NLRP1: variants seen among roughly 807,000 people sequenced by gnomAD.
NLRP1 encodes NLR family pyrin domain containing 1.
A neutral mutation model predicts 136.7 loss-of-function variants in NLRP1; 94 were observed. The observed-to-expected ratio is 0.69, with a 90% CI of 0.58 to 0.82. The LOEUF (loss-of-function observed/expected upper bound fraction) is 0.82. NLRP1 is among the 40% of genes least tolerant of loss of function. The pLI is 0.00. For synonymous variants in NLRP1, 690 were observed against 725.1 expected (o/e 0.95, Z 0.78); for missense variants, 1,575 against 1,802.7 (o/e 0.87, Z 2.29).
chr17:5,508,147 A>AAAT (rs1907450022), intron 15 of NLRP1, among the ~76,000 whole-genome samples: 1 of 151,150 alleles, frequency 6.6e-6, no homozygotes, highest in South Asian at 2.1e-4. Context: ...AAAAAAAAAA[A>AAAT]ATTAGCTGGG....
intron 3 of NLRP1, among the ~76,000 whole-genome samples, chr17:5,575,156 C>T (rs909384810): frequency 6.6e-6 from 1 of 152,142 alleles, no homozygotes; most frequent in Admixed American, 6.5e-5. Flanking sequence ...CCGGTATCAG[C>T]CACTGCAAAA....
chr17:5,534,097 C>T (rs1246817839), intron 8 of NLRP1, 109 bp from the exon 9 acceptor site: 7 of 806,976 alleles, frequency 8.7e-6, no homozygotes, highest in South Asian at 2.7e-5. Context: ...TGCAGTGGCT[C>T]ATGTCTGTAA....
chr17:5,562,579 T>A (rs1426128475), intron 3 of NLRP1, among the ~76,000 whole-genome samples: 1 of 152,206 alleles, frequency 6.6e-6, no homozygotes, highest in Non-Finnish European at 1.5e-5. Flanking sequence ...CACAGAACAC[T>A]ACTGCCAACT....
chr17:5,550,785 G>A (rs902623406), intron 5 of NLRP1, among the ~76,000 whole-genome samples: 3 of 152,072 alleles, frequency 2.0e-5, no homozygotes, highest in African/African-American at 7.2e-5. Flanking sequence ...AAAGACCTAA[G>A]GAAAACAAAT....
At chr17:5,540,757 C>T (rs923117759) in intron 6 of NLRP1, among the ~76,000 whole-genome samples, 1 of 152,162 alleles carries the variant, frequency 6.6e-6, no homozygotes, top group African/African-American at 2.4e-5. Context: ...GTTGTCTCCC[C>T]TTCCCATGCC....
intron 8 of NLRP1, among the ~76,000 whole-genome samples, chr17:5,535,916 T>TGTG (rs1435246052): frequency 6.6e-6 from 1 of 152,000 alleles, no homozygotes; most frequent in Non-Finnish European, 1.5e-5. Context: ...CAGGGGTGTG[T>TGTG]GTGGTGGTGG....
intron 9 of NLRP1, 29 bp from the exon 10 acceptor site, chr17:5,533,413 G>C (rs771906666): frequency 4.9e-6 from 4 of 818,538 alleles, no homozygotes; most frequent in Non-Finnish European, 8.2e-6. Context: ...TATCAGCCAG[G>C]CATGGTGGTG....
chr17:5,543,923 G>A (rs556954258), intron 5 of NLRP1, among the ~76,000 whole-genome samples: 12 of 152,302 alleles, frequency 7.9e-5, no homozygotes, highest in African/African-American at 2.6e-4. Flanking sequence ...GTTGCACAGG[G>A]CCCCGTGCTC....
chr17:5,503,050 G>C (rs930548685), intron 15 of NLRP1: 3 of 152,228 alleles, frequency 2.0e-5, no homozygotes, highest in African/African-American at 7.3e-5. Context: ...ATGCATGAAT[G>C]GAAGGATGTG....
intron 4 of NLRP1, among the ~76,000 whole-genome samples, chr17:5,558,043 G>A (rs767489022): frequency 2.6e-5 from 4 of 152,098 alleles, no homozygotes; most frequent in Non-Finnish European, 5.9e-5. Context: ...GTGGGAGCAC[G>A]TCCAGGAGAG....
At chr17:5,506,157 G>A (rs1045529869) in intron 15 of NLRP1, among the ~76,000 whole-genome samples, 2 of 151,770 alleles carry the variant, frequency 1.3e-5, no homozygotes, top group Non-Finnish European at 2.9e-5. Flanking sequence ...GGGGGTGGGC[G>A]CCTGTAATCA....
At chr17:5,517,669 A>C (rs1301398724) in intron 15 of NLRP1, 77 bp downstream of exon 15, 1 of 1,542,106 alleles carries the variant, frequency 6.5e-7, no homozygotes, top group East Asian at 2.3e-5. Context: ...TACAGGCGTG[A>C]GCCACTGTGC....
Position 5,581,952 on chromosome 17 carries a change from C to G in NLRP1, c.559G>C (p.Gly187Arg). ...PTSTAVLGSW[G>R]SPPQPSLAPR... ...GCTAGGCTGGGCTGAGGTGGGGATC[C>G]CCAGCTCCCCAGCACTGCTGTGGAT... is the stretch of plus-strand genomic sequence containing the variant. Residue 187 changes from glycine (G) to arginine (R), a missense_variant, in exon 3 of 17, where the codon GGA becomes CGA. Gly to Arg is a moderately radical substitution (Grantham distance 125, BLOSUM62 -2). Transcript: ENST00000572272. 6.2e-7 allele frequency: 1 copy of G among 1,613,798 alleles called. No homozygotes were observed. Among genetic ancestry groups the G allele is most frequent in the Non-Finnish European group, 8.5e-7 (1 of 1,179,818 alleles).
Position 5,533,962 on chromosome 17 carries a change from T to G in NLRP1, c.2987A>C (p.Glu996Ala). 1 of 1,612,724 alleles carries G rather than the reference T, an allele frequency of 6.2e-7. No individual in the cohort carries two copies. Among genetic ancestry groups the G allele is most frequent in the Non-Finnish European group, 8.5e-7 (1 of 1,178,838 alleles). Residue 996 changes from glutamate (E) to alanine (A), a missense_variant, in exon 9 of 17, where the codon GAG (glutamate) becomes GCG (alanine). Transcript: ENST00000572272. ...RRKPSVMTPT[E>A]GLDTGEMSNS... The stretch of plus-strand genomic sequence containing the variant: ...ACTCATCTCTCCCGTATCCAGGCCC[T>G]CAGTAGGGGTCATCACACTTGGTTT...
chr17:5,510,658 C>G (rs1455182704), downstream of NLRP1, among the ~76,000 whole-genome samples: 2 of 151,752 alleles, frequency 1.3e-5, no homozygotes, highest in African/African-American at 4.8e-5. Flanking sequence ...TGAGCCACTG[C>G]ATCTGGCCAA....
intron 3 of NLRP1, among the ~76,000 whole-genome samples, chr17:5,567,121 C>A (rs1478873445): frequency 6.6e-6 from 1 of 151,982 alleles, no homozygotes; most frequent in Non-Finnish European, 1.5e-5. Flanking sequence ...ATTCATTCAG[C>A]CAGTCTATGT....
At chr17:5,505,629 G>T (rs1213112026) in intron 15 of NLRP1, 1 of 152,282 alleles carries the variant, frequency 6.6e-6, no homozygotes, top group Non-Finnish European at 1.5e-5. Context: ...CAAGCATGGG[G>T]GCCTACTGCC....
chr17:5,539,303 A>C, intron 7 of NLRP1, 112 bp downstream of exon 7: 3 of 947,222 alleles, frequency 3.2e-6, no homozygotes, highest in Non-Finnish European at 4.6e-6. Flanking sequence ...TAAGTGGTAG[A>C]GCTGGTAAGA....
chr17:5,519,005 AT>A (rs879327221), intron 14 of NLRP1, among the ~76,000 whole-genome samples: 2,644 of 137,348 alleles, frequency 0.019, 56 homozygotes, highest in African/African-American at 0.057. Flanking sequence ...CTCCCGGCTA[AT>A]TTTTTTTTTT....
Sources: allele counts gnomAD v4.1 joint callset (sites outside exome capture counted in the v4.1 genomes callset), GRCh38; gene constraint gnomAD v4.1.1; transcripts MANE v1.5; gene names NCBI Gene and HGNC (gene_info 2026-07-23, HGNC 2026-07-21).